PYGO1: variants seen among roughly 807,000 people sequenced by gnomAD.
PYGO1 encodes the protein pygopus homolog 1.
A neutral mutation model predicts 29.5 loss-of-function variants in PYGO1; 6 were observed. The observed-to-expected ratio is 0.20, with a 90% confidence interval of 0.11 to 0.40. The LOEUF (loss-of-function observed/expected upper bound fraction) is 0.40. PYGO1 is among the 10% of genes least tolerant of loss of function. The probability of loss-of-function intolerance (pLI) is 1.00; values close to 1 mark genes in which losing one functional copy is unlikely to be tolerated. For synonymous variants in PYGO1, 186 were observed against 180.5 expected (o/e 1.03, Z -0.24); for missense variants, 515 against 514.9 (o/e 1.00, Z 0.00).
upstream of PYGO1, chr15:55,588,896 T>C: frequency 1.3e-6 from 2 of 1,584,314 alleles, no homozygotes. Flanking sequence ...GTGGCCGTGG[T>C]GTGGACACCT....
At chr15:55,557,416 A>G (rs940094566) in intron 1 of PYGO1, among the ~76,000 whole-genome samples, 2 of 152,216 alleles carry the variant, frequency 1.3e-5, no homozygotes, top group Non-Finnish European at 1.5e-5. Context: ...CCAGAGGTAC[A>G]AGGAGGAGCT....
intron 1 of PYGO1, among the ~76,000 whole-genome samples, chr15:55,586,634 C>T (rs1296408722): frequency 6.6e-6 from 1 of 152,202 alleles, no homozygotes; most frequent in African/African-American, 2.4e-5. Context: ...AGCTTCTTTG[C>T]TGTTGATTGC....
intron 1 of PYGO1, among the ~76,000 whole-genome samples, chr15:55,555,606 T>C (rs1265721903): frequency 6.6e-6 from 1 of 151,494 alleles, no homozygotes; most frequent in East Asian, 2.0e-4. Flanking sequence ...CATACCAACA[T>C]GGCACATGTA....
intron 1 of PYGO1, among the ~76,000 whole-genome samples, chr15:55,570,820 T>A (rs1307195936): frequency 1.3e-5 from 2 of 152,128 alleles, no homozygotes; most frequent in African/African-American, 4.8e-5. Context: ...AAAACATAAT[T>A]CTCTCAGGTT....
At chr15:55,548,584 TA>T (rs1277047884) in intron 2 of PYGO1, among the ~76,000 whole-genome samples, 1 of 151,082 alleles carries the variant, frequency 6.6e-6, no homozygotes, top group Non-Finnish European at 1.5e-5. Context: ...CGCGTGCCTG[TA>T]ATTCCAGCTA....
chr15:55,585,759 T>A (rs1298328750), intron 1 of PYGO1, among the ~76,000 whole-genome samples: 1 of 152,214 alleles, frequency 6.6e-6, no homozygotes, highest in African/African-American at 2.4e-5. Context: ...TGATTAGGAC[T>A]GATAATTCAG....
At chr15:55,565,528 A>C (rs1267268143) in intron 1 of PYGO1, among the ~76,000 whole-genome samples, 2 of 151,478 alleles carry the variant, frequency 1.3e-5, no homozygotes, top group Non-Finnish European at 1.5e-5. Context: ...ACATGGTGAA[A>C]CCCCATCTCT....
Position 55,574,648 on chromosome 15 carries a change from ATGTGTGTGTG to A in PYGO1, c.49+13177_49+13186del, listed in dbSNP as rs56305536. Among the ~76,000 whole-genome samples the A allele has an allele frequency of 7.2e-3, 1,094 of 151,022 alleles. 15 individuals are homozygous for A. The highest frequency in any genetic ancestry group is 0.025 in the African/African-American group (1,029 of 41,162). On this transcript the variant is annotated intron_variant, in intron 1 of 2. Coordinates refer to ENST00000563719, the MANE Select transcript of PYGO1 (RefSeq NM_001367806.1). ...CATGTTGTTCAAAGGTATACTGTATATGTGTGTGTGTGTGTGTGTGTGTGTATGATACGTA... is the reference window on the plus strand; with the variant it reads ...CATGTTGTTCAAAGGTATACTGTATATGTGTGTGTGTGTGTATGATACGTA...
intron 1 of PYGO1, among the ~76,000 whole-genome samples, chr15:55,557,752 A>T (rs2058912964): frequency 6.6e-6 from 1 of 152,216 alleles, no homozygotes; most frequent in African/African-American, 2.4e-5. Context: ...CCACATGATT[A>T]TCTCAATAGA....
At chr15:55,559,442 C>A (rs545262614) in intron 1 of PYGO1, among the ~76,000 whole-genome samples, 35 of 152,138 alleles carry the variant, frequency 2.3e-4, no homozygotes, top group African/African-American at 6.7e-4. Context: ...AGGATCTAGA[C>A]CTAGAAATAC....
chr15:55,549,071 A>C, intron 1 of PYGO1, 76 bp from the exon 2 acceptor site: 3 of 1,077,776 alleles, frequency 2.8e-6, no homozygotes, highest in Non-Finnish European at 4.0e-6. Flanking sequence ...AATATCTATT[A>C]TATTTACCTG....
chr15:55,548,707 TAAA>T (rs60796044), intron 2 of PYGO1, among the ~76,000 whole-genome samples, 200 bp downstream of exon 2: 30 of 55,408 alleles, frequency 5.4e-4, no homozygotes, highest in East Asian at 8.8e-4. Flanking sequence ...AGAATCCACC[TAAA>T]AAAAAAAAAA....
chr15:55,573,243 T>C (rs1346108498), intron 1 of PYGO1, among the ~76,000 whole-genome samples: 4 of 151,782 alleles, frequency 2.6e-5, no homozygotes, highest in Non-Finnish European at 4.4e-5. Flanking sequence ...GAGGCAGAGG[T>C]TGCAGTGAGC....
intron 1 of PYGO1, among the ~76,000 whole-genome samples, chr15:55,554,250 G>A (rs1474071017): frequency 6.6e-6 from 1 of 152,042 alleles, no homozygotes; most frequent in Non-Finnish European, 1.5e-5. Flanking sequence ...GGATCATGAG[G>A]TCAGGAGATC....
intron 1 of PYGO1, among the ~76,000 whole-genome samples, chr15:55,565,207 G>A (rs1293116078): frequency 1.3e-5 from 2 of 151,940 alleles, no homozygotes; most frequent in African/African-American, 2.4e-5. Flanking sequence ...TCACAGTACT[G>A]AGCATTACAC....
intron 1 of PYGO1, among the ~76,000 whole-genome samples, chr15:55,565,981 C>A (rs1392181896): frequency 6.6e-6 from 1 of 152,152 alleles, no homozygotes; most frequent in Non-Finnish European, 1.5e-5. Flanking sequence ...AGCGGTTCTA[C>A]CATGTTGGCC....
At chr15:55,552,171 A>G (rs2058881742) in intron 1 of PYGO1, among the ~76,000 whole-genome samples, 1 of 151,810 alleles carries the variant, frequency 6.6e-6, no homozygotes, top group Admixed American at 6.6e-5. Context: ...CCTGGCAAAC[A>G]TGGCGAAACC....
rs774287481 is a variant in PYGO1 at position 55,547,183 on chromosome 15, G to A, written c.136-36C>T. 3.8e-5 allele frequency: 57 copies of A among 1,497,574 alleles called. No homozygotes were observed. The Middle Eastern group carries it at 5.3e-4, about 14-fold the overall frequency. The allele number at this position is 1,497,574 out of a possible 1,614,324, so 92.8% of individuals were successfully genotyped here. On this transcript the variant is annotated intron_variant, in intron 2 of 2. Transcript: ENST00000563719. ...AATGTAAAGTAAAATACATGTTTTCGATCAAATACATTATTAAAATTGTCC... is the reference window on the plus strand; with the variant it reads ...AATGTAAAGTAAAATACATGTTTTCAATCAAATACATTATTAAAATTGTCC...
In PYGO1 at chr15:55,588,166, A is replaced by T; in HGVS notation, c.-283T>A. ...GGGCGGCCCCCCACCCGGGGCCGGC[A>T]TGTGCTGAGGGCGAGTGCGCCGCCG... is the stretch of plus-strand genomic sequence containing the variant. On this transcript the variant is annotated 5_prime_UTR_variant, in exon 1 of 3. An upstream start codon of the reference 5' UTR is lost. Coordinates refer to ENST00000563719, the MANE Select transcript of PYGO1 (RefSeq NM_001367806.1). 1.6e-5 allele frequency: 8 copies of T among 493,618 alleles called. No individual in the cohort carries two copies. Among genetic ancestry groups the T allele is most frequent in the Non-Finnish European group, 2.1e-5 (8 of 382,878 alleles). The allele number at this position is 493,618 out of a possible 1,614,324, so 30.6% of individuals were successfully genotyped here. A position where few individuals can be genotyped will look rare whatever the true frequency, so the allele number is the denominator to read the frequency against.
Sources: gnomAD v4.1 joint callset for allele counts (sites outside exome capture counted in the v4.1 genomes callset) on GRCh38, gnomAD v4.1.1 for gene constraint, MANE v1.5 for transcripts, NCBI Gene and HGNC (gene_info 2026-07-23, HGNC 2026-07-21) for gene names.